PARD3B: variants seen among roughly 807,000 people sequenced by gnomAD.
The protein encoded by PARD3B is partitioning defective 3 homolog B.
Under a neutral mutation model 130.2 loss-of-function variants are expected in PARD3B, and 103 were observed. The observed-to-expected ratio is 0.79, with a 90% confidence interval of 0.67 to 0.93. The LOEUF (loss-of-function observed/expected upper bound fraction) is 0.93. Among genes scored for constraint, PARD3B ranks in the 40% least tolerant of loss-of-function variants. The pLI, the probability that PARD3B is intolerant of heterozygous loss-of-function variation, is 0.00. For missense variants in PARD3B, 1,609 were observed against 1,499.2 expected (o/e 1.07, Z -1.21); for synonymous variants, 583 against 553.2 (o/e 1.05, Z -0.76).
At chr2:205,224,943 T>C (rs1480817832) in intron 15 of PARD3B, among the ~76,000 whole-genome samples, 3 of 152,148 alleles carry the variant, frequency 2.0e-5, no homozygotes, top group African/African-American at 7.2e-5. Flanking sequence ...TATTATACTT[T>C]AAGTTCTAGG....
chr2:205,320,817 A>G (rs1233452472), intron 18 of PARD3B, among the ~76,000 whole-genome samples: 1 of 152,236 alleles, frequency 6.6e-6, no homozygotes. Flanking sequence ...TTAATGGAAG[A>G]AAGTCTAGCT....
intron 3 of PARD3B, among the ~76,000 whole-genome samples, chr2:204,976,121 TTTATC>T (rs1296642098): frequency 1.3e-5 from 2 of 152,240 alleles, no homozygotes; most frequent in African/African-American, 4.8e-5. Flanking sequence ...AAATTAGGCT[TTTATC>T]TTAGTACCCA....
Position 205,530,626 on chromosome 2 carries a change from G to C in PARD3B, c.3181-22698G>C, listed in dbSNP as rs768017778. Among the ~76,000 whole-genome samples the C allele has an allele frequency of 6.6e-6, 1 of 152,096 alleles. No homozygotes were observed. Among genetic ancestry groups the C allele is most frequent in the Middle Eastern group, 3.4e-3 (1 of 294 alleles). ...TCCATCCTGAGGAGCTAGAGAATCC[G>C]AGATTCAGAGAGGGGCAAAATGTCT... On this transcript the variant is annotated intron_variant, in intron 21 of 22. Transcript: ENST00000406610. This position sits in a 1 kb window ranked among gnomAD's most constrained non-coding sequence, Gnocchi z 4.7.
intron 3 of PARD3B, 103 bp from the exon 4 acceptor site, chr2:205,047,478 C>A: frequency 3.3e-6 from 2 of 604,108 alleles, no homozygotes; most frequent in South Asian, 2.5e-5. Flanking sequence ...AATGTTTTTA[C>A]ATAAAAGCCT....
intron 18 of PARD3B, among the ~76,000 whole-genome samples, chr2:205,320,455 T>A (rs1227410360): frequency 6.6e-6 from 1 of 152,210 alleles, no homozygotes; most frequent in Non-Finnish European, 1.5e-5. Context: ...TAACTGTCTA[T>A]CATGTTTTAT....
At chr2:204,643,111 CT>C (rs2035143853) in intron 1 of PARD3B, among the ~76,000 whole-genome samples, 1 of 6,768 alleles carries the variant, frequency 1.5e-4, no homozygotes, top group African/African-American at 2.9e-4. Flanking sequence ...GAGACTCTGT[CT>C]CACAAAAAAA....
chr2:205,455,056 A>G (rs1186476951), intron 20 of PARD3B, among the ~76,000 whole-genome samples: 1 of 152,136 alleles, frequency 6.6e-6, no homozygotes, highest in Non-Finnish European at 1.5e-5. Context: ...AAGACAATAA[A>G]GGAAAATCTG....
Position 204,848,483 on chromosome 2 carries a change from TA to T in PARD3B, c.223-116660del, listed in dbSNP as rs1032564683. On this transcript the variant is annotated intron_variant, in intron 2 of 22. Transcript: ENST00000406610. ...GACCTTGTCTCTACAAAAATAAAAA[TA>T]AAAAAAAATAGTTAGCTGGGTGTGT... 9.3e-5 allele frequency among the ~76,000 whole-genome samples: 14 copies of T among 151,254 alleles called. 1 individual carries two copies. Among genetic ancestry groups the T allele is most frequent in the Admixed American group, 5.3e-4 (8 of 15,186 alleles).
chr2:204,933,649 GC>G (rs1326680263), intron 2 of PARD3B, among the ~76,000 whole-genome samples: 1 of 152,092 alleles, frequency 6.6e-6, no homozygotes, highest in Non-Finnish European at 1.5e-5. Context: ...GTGCTTTATT[GC>G]AAGCTATCAG....
At chr2:204,809,032 A>G (rs1454361799) in intron 2 of PARD3B, among the ~76,000 whole-genome samples, 3 of 152,014 alleles carry the variant, frequency 2.0e-5, no homozygotes, top group Admixed American at 6.6e-5. Context: ...ATGATGAGTG[A>G]TGATGAGCTT....
chr2:205,056,559 T>C (rs556995997), intron 4 of PARD3B, among the ~76,000 whole-genome samples: 5 of 151,160 alleles, frequency 3.3e-5, no homozygotes, highest in Admixed American at 6.6e-5. Flanking sequence ...CACTGGAGAA[T>C]CCGAAGCCTT....
intron 2 of PARD3B, among the ~76,000 whole-genome samples, chr2:204,752,016 A>G (rs1251686444): frequency 6.6e-6 from 1 of 152,166 alleles, no homozygotes; most frequent in Non-Finnish European, 1.5e-5. Flanking sequence ...GTCTTACTAG[A>G]TATTTGCTTC....
At chr2:204,692,357 A>C (rs957232799) in intron 2 of PARD3B, among the ~76,000 whole-genome samples, 1 of 152,032 alleles carries the variant, frequency 6.6e-6, no homozygotes, top group Admixed American at 6.6e-5. Context: ...TTAAATTTAG[A>C]CTTCTTCCCG....
rs561968168 is a variant in PARD3B at position 205,176,837 on chromosome 2, C to T, written c.1924+260C>T. On this transcript the variant is annotated intron_variant, in intron 13 of 22. Coordinates refer to ENST00000406610, the MANE Select transcript of PARD3B (RefSeq NM_001302769.2). The surrounding 1 kb of genome is among the most constrained non-coding windows in gnomAD (Gnocchi z 5.3). ...CATGGAGGGTTATATATAAAACAAACGATCACTGGAGAATCAAAGATGGCA... is the reference window on the plus strand; with the variant it reads ...CATGGAGGGTTATATATAAAACAAATGATCACTGGAGAATCAAAGATGGCA... 9.2e-5 allele frequency among the ~76,000 whole-genome samples: 14 copies of T among 152,154 alleles called. No homozygotes were observed. The highest frequency in any genetic ancestry group is 2.1e-4 in the South Asian group (1 of 4,810).
Position 205,091,428 on chromosome 2 carries a change from G to A in PARD3B, c.505-12998G>A, listed in dbSNP as rs1261821620. ...ACCTCTCACTTTTCTGCACCTTCTC[G>A]GGGAAATAGATGAGGAGGGTGGCCA... On this transcript the variant is annotated intron_variant, in intron 4 of 22. Coordinates refer to ENST00000406610, the MANE Select transcript of PARD3B (RefSeq NM_001302769.2). The surrounding 1 kb of genome is among the most constrained non-coding windows in gnomAD (Gnocchi z 4.2). Among the ~76,000 whole-genome samples the A allele has an allele frequency of 1.3e-5, 2 of 152,176 alleles. No individual in the cohort carries two copies. Among genetic ancestry groups the A allele is most frequent in the East Asian group, 1.9e-4 (1 of 5,170 alleles).
At chr2:204,703,995 A>T (rs1317166772) in intron 2 of PARD3B, among the ~76,000 whole-genome samples, 1 of 152,132 alleles carries the variant, frequency 6.6e-6, no homozygotes. Context: ...TTAGGAAATG[A>T]TTTGTCAAAT....
chr2:204,804,491 A>G (rs1345238190), intron 2 of PARD3B, among the ~76,000 whole-genome samples: 1 of 152,204 alleles, frequency 6.6e-6, no homozygotes, highest in Non-Finnish European at 1.5e-5. Flanking sequence ...GCACCCGGAT[A>G]TATAAAGCAA....
intron 22 of PARD3B, among the ~76,000 whole-genome samples, chr2:205,566,635 A>C (rs541343796): frequency 7.2e-5 from 11 of 152,208 alleles, no homozygotes; most frequent in Non-Finnish European, 1.6e-4. Context: ...GAGACCACTG[A>C]AATGTGCCCT....
chr2:205,103,090 A>G (rs28666710), intron 4 of PARD3B, among the ~76,000 whole-genome samples: 2 of 147,044 alleles, frequency 1.4e-5, no homozygotes, highest in Non-Finnish European at 3.0e-5. Flanking sequence ...ATATTTTTTT[A>G]TTTTTTTATT....
Sources: gnomAD v4.1 joint callset for allele counts (sites outside exome capture counted in the v4.1 genomes callset) on GRCh38, gnomAD v4.1.1 for gene constraint, Gnocchi (gnomAD v3.1) non-coding constraint, MANE v1.5 for transcripts, NCBI Gene and HGNC (gene_info 2026-07-23, HGNC 2026-07-21) for gene names.